The following GRM3 variants were observed in gnomAD, a reference collection of about 807,000 sequenced individuals.
GRM3 encodes the protein glutamate metabotropic receptor 3, also known as metabotropic glutamate receptor 3.
GRM3 carries 26 observed loss-of-function variants against 70.5 expected under a neutral mutation model. The ratio of observed to expected loss-of-function variants is 0.37; its 90% CI spans 0.27 to 0.51. The LOEUF is 0.51. Among genes scored for constraint, GRM3 ranks in the 20% least tolerant of loss-of-function variants. The probability of loss-of-function intolerance (pLI) is 0.93; values close to 1 mark genes in which losing one functional copy is unlikely to be tolerated. For missense variants in GRM3, 859 were observed against 1,123.8 expected, an observed-to-expected ratio of 0.76 and a Z score of 3.37; for synonymous variants, 443 against 434.9, an observed-to-expected ratio of 1.02 and a Z score of -0.23.
At chr7:86,796,148 C>T (rs1318091545) in intron 3 of GRM3, among the ~76,000 whole-genome samples, 1 of 152,138 alleles carries the variant, frequency 6.6e-6, no homozygotes, top group Non-Finnish European at 1.5e-5. Context: ...ATGCCTATGT[C>T]CTGAATTGTA....
At chr7:86,667,685 A>G (rs751837431) in intron 1 of GRM3, among the ~76,000 whole-genome samples, 1 of 152,126 alleles carries the variant, frequency 6.6e-6, no homozygotes, top group Non-Finnish European at 1.5e-5. Context: ...ATTCTTGTGC[A>G]TTGGCCCCAA....
At chr7:86,831,793 T>TAAAAAAAAAAAA (rs35888996) in intron 3 of GRM3, among the ~76,000 whole-genome samples, 1 of 113,980 alleles carries the variant, frequency 8.8e-6, no homozygotes. Context: ...ATAGCACCGT[T>TAAAAAAAAAAAA]AAAAAAAAAA....
intron 1 of GRM3, among the ~76,000 whole-genome samples, chr7:86,647,785 C>T (rs962336504): frequency 1.3e-5 from 2 of 152,156 alleles, no homozygotes; most frequent in African/African-American, 4.8e-5. Context: ...AAACTATTAG[C>T]TCATACCCCT....
intron 4 of GRM3, among the ~76,000 whole-genome samples, chr7:86,847,745 G>A (rs954164720): frequency 2.0e-5 from 3 of 152,162 alleles, no homozygotes; most frequent in Non-Finnish European, 4.4e-5. Context: ...TGAAAACAGA[G>A]CATCGTAAGC....
Position 86,864,579 on chromosome 7 carries a change from C to A in GRM3, c.*224C>A, listed in dbSNP as rs1799025839. On this transcript the variant is annotated 3_prime_UTR_variant, in exon 6 of 6. Transcript: ENST00000361669. ...AATTCCCCCAGAACATGGAAATAAC[C>A]ATTGTTTACAGAGCTGAGCATTGGT... 4 of 395,686 alleles carry A rather than the reference C, an allele frequency of 1.0e-5. No homozygotes were observed. Among genetic ancestry groups the A allele is most frequent in the African/African-American group, 2.1e-5 (1 of 47,242 alleles). 24.5% of individuals were successfully genotyped at this position (395,686 alleles called of 1,614,324 possible).
chr7:86,762,160 T>A (rs1796495178), intron 1 of GRM3, among the ~76,000 whole-genome samples: 1 of 152,122 alleles, frequency 6.6e-6, no homozygotes. Flanking sequence ...GAATTGCACG[T>A]AAAGATCAAA....
At chr7:86,830,069 A>C (rs1171027476) in intron 3 of GRM3, among the ~76,000 whole-genome samples, 1 of 152,070 alleles carries the variant, frequency 6.6e-6, no homozygotes, top group African/African-American at 2.4e-5. Flanking sequence ...TCTTCTTACC[A>C]CTCACTATTC....
intron 1 of GRM3, among the ~76,000 whole-genome samples, chr7:86,693,773 T>C (rs1480822463): frequency 6.6e-6 from 1 of 152,122 alleles, no homozygotes; most frequent in Non-Finnish European, 1.5e-5. Flanking sequence ...TTGCAATGAG[T>C]ATTTATTGAA....
chr7:86,645,655 G>A (rs375474126), intron 1 of GRM3, among the ~76,000 whole-genome samples: 33 of 151,972 alleles, frequency 2.2e-4, no homozygotes, highest in East Asian at 1.4e-3. Context: ...ATTCTCTAAG[G>A]TACAACACTT....
At chr7:86,758,797 A>C (rs1288700508) in intron 1 of GRM3, among the ~76,000 whole-genome samples, 1 of 152,074 alleles carries the variant, frequency 6.6e-6, no homozygotes, top group Non-Finnish European at 1.5e-5. Flanking sequence ...TACCTTACTT[A>C]GTTTTTTTGG....
At chr7:86,706,733 C>T (rs1795066860) in intron 1 of GRM3, among the ~76,000 whole-genome samples, 2 of 151,902 alleles carry the variant, frequency 1.3e-5, no homozygotes, top group South Asian at 2.1e-4. Context: ...ACTAGGAACA[C>T]TGACCATAGA....
chr7:86,685,491 A>C (rs1048440133), intron 1 of GRM3, among the ~76,000 whole-genome samples: 1 of 152,208 alleles, frequency 6.6e-6, no homozygotes, highest in African/African-American at 2.4e-5. Context: ...TCTCTTGCTC[A>C]AGATAAAGGA....
chr7:86,858,507 A>G (rs576475225), intron 5 of GRM3, among the ~76,000 whole-genome samples: 7 of 152,106 alleles, frequency 4.6e-5, no homozygotes, highest in South Asian at 4.1e-4. Context: ...TGCTCACTCT[A>G]TCTCACCATG....
At chr7:86,783,423 A>G (rs1247499683) in intron 2 of GRM3, among the ~76,000 whole-genome samples, 1 of 152,194 alleles carries the variant, frequency 6.6e-6, no homozygotes, top group Non-Finnish European at 1.5e-5. Context: ...AAGTTTCTTC[A>G]CCTAGCAGAA....
intron 1 of GRM3, among the ~76,000 whole-genome samples, chr7:86,651,679 A>G (rs1314844070): frequency 6.6e-6 from 1 of 152,162 alleles, no homozygotes; most frequent in Non-Finnish European, 1.5e-5. Flanking sequence ...TCCATACTAT[A>G]TTGGTCACTA....
chr7:86,820,221 G>A (rs537166853), intron 3 of GRM3, among the ~76,000 whole-genome samples: 4 of 152,214 alleles, frequency 2.6e-5, no homozygotes, highest in African/African-American at 4.8e-5. Context: ...CTGGATATTC[G>A]AAAACCAAAT....
chr7:86,795,256 T>C (rs891484940), intron 3 of GRM3, among the ~76,000 whole-genome samples: 10 of 109,574 alleles, frequency 9.1e-5, no homozygotes, highest in Non-Finnish European at 1.6e-4. Flanking sequence ...AGGTTAGTTT[T>C]TATTTTATTT....
In GRM3 at chr7:86,710,641, T is replaced by C. The variant is rs568841889; in HGVS notation, c.-140-54365T>C. Among the ~76,000 whole-genome samples, 3 of 149,596 alleles carry C rather than the reference T, an allele frequency of 2.0e-5. No homozygotes were observed. The South Asian group carries it at 6.4e-4, about 32-fold the overall frequency. ...AGAGATTTCATTAACTTGGGGAAAATAGTTTTAAAAACATCCTAAATTTAC... is the reference window on the plus strand; with the variant it reads ...AGAGATTTCATTAACTTGGGGAAAACAGTTTTAAAAACATCCTAAATTTAC... On this transcript the variant is annotated intron_variant, in intron 1 of 5. Transcript: ENST00000361669.
chr7:86,720,731 A>C (rs1795439188), intron 1 of GRM3, among the ~76,000 whole-genome samples: 1 of 152,078 alleles, frequency 6.6e-6, no homozygotes, highest in Admixed American at 6.6e-5. Flanking sequence ...ATCACTGTGT[A>C]GATCACAAAT....
Sources: gnomAD v4.1 joint callset for allele counts (sites outside exome capture counted in the v4.1 genomes callset) on GRCh38, gnomAD v4.1.1 for gene constraint, MANE v1.5 for transcripts, NCBI Gene and HGNC (gene_info 2026-07-23, HGNC 2026-07-21) for gene names.